The following NEXMIF variants were observed in gnomAD, a reference collection of about 807,000 sequenced individuals.
The protein encoded by NEXMIF is neurite extension and migration factor.
NEXMIF carries 8 observed loss-of-function variants against 62.1 expected under a neutral mutation model. That is an observed-to-expected ratio of 0.13 (90% CI 0.08 to 0.23). The LOEUF (loss-of-function observed/expected upper bound fraction) is 0.23. Among genes scored for constraint, NEXMIF ranks in the 10% least tolerant of loss-of-function variants. The pLI, the probability that NEXMIF is intolerant of heterozygous loss-of-function variation, is 1.00. For missense variants in NEXMIF, 976 were observed against 1,113.3 expected (o/e 0.88, Z 1.75); for synonymous variants, 404 against 416.6 (o/e 0.97, Z 0.37).
intron 1 of NEXMIF, among the ~76,000 whole-genome samples, chrX:74,866,183 C>T (rs1275225649): frequency 2.7e-5 from 3 of 111,781 alleles, no homozygotes; most frequent in Non-Finnish European, 5.6e-5. Context: ...TGCCCAAGGC[C>T]GTGGGATCCC....
intron 1 of NEXMIF, among the ~76,000 whole-genome samples, chrX:74,888,180 C>T (rs950165848): frequency 9.2e-6 from 1 of 108,552 alleles, no homozygotes; most frequent in Non-Finnish European, 1.9e-5. Context: ...AGGAGATATA[C>T]CTAATGCTAA....
intron 1 of NEXMIF, among the ~76,000 whole-genome samples, chrX:74,847,722 C>T (rs2080497122): frequency 8.9e-6 from 1 of 111,738 alleles, no homozygotes; most frequent in African/African-American, 3.3e-5. Context: ...AGGACATTTT[C>T]AAGTGGCAGC....
At chrX:74,872,844 A>G (rs1388926244) in intron 1 of NEXMIF, among the ~76,000 whole-genome samples, 1 of 110,374 alleles carries the variant, frequency 9.1e-6, no homozygotes, top group Admixed American at 9.7e-5. Flanking sequence ...ACAATTTTTT[A>G]AAAATATTAT....
intron 1 of NEXMIF, among the ~76,000 whole-genome samples, chrX:74,863,593 G>C (rs1026580887): frequency 8.9e-6 from 1 of 111,732 alleles, no homozygotes; most frequent in Admixed American, 9.5e-5. Flanking sequence ...TTGAATCCCT[G>C]AATAGACCAA....
rs772797121 is a variant in NEXMIF at position 74,741,163 on chromosome X, T to C, written c.3394A>G (p.Asn1132Asp). 1 of 1,209,152 alleles carries C rather than the reference T, an allele frequency of 8.3e-7. No individual in the cohort carries two copies. Among genetic ancestry groups the C allele is most frequent in the African/African-American group, 1.8e-5 (1 of 57,013 alleles). The change falls in exon 3 of 4, where the codon AAT becomes GAT. Residue 1132 changes from asparagine (N) to aspartate (D), a missense_variant. Coordinates refer to ENST00000055682, the MANE Select transcript of NEXMIF (RefSeq NM_001008537.3). ...QVQMEDGFTLNNHQFQFHMFN... is the reference protein window; with the variant it reads ...QVQMEDGFTLDNHQFQFHMFN... ...ATATGGAACTGAAACTGGTGATTAT[T>C]TAAAGTAAATCCATCCTCCATTTGG...
Position 74,741,942 on chromosome X carries a change from T to C in NEXMIF, c.2615A>G (p.Gln872Arg), listed in dbSNP as rs1320255312. 1 of 1,211,743 alleles carries C rather than the reference T, an allele frequency of 8.3e-7. No individual in the cohort carries two copies. The highest frequency in any genetic ancestry group is 1.8e-5 in the South Asian group (1 of 56,984). Residue 872 changes from glutamine to arginine, a missense_variant, in exon 3 of 4, where the codon CAG (glutamine) becomes CGG (arginine). Transcript: ENST00000055682. ...VLTSSSDSEL[Q>R]QSSHNFKMES... is the part of the protein sequence containing the mutation. ...CATTTTGAAGTTATGAGATGACTGC[T>C]GCAGCTCAGAGTCAGAGGATGAGGT...
intron 1 of NEXMIF, among the ~76,000 whole-genome samples, chrX:74,772,266 C>G (rs1164603831): frequency 8.9e-6 from 1 of 112,477 alleles, no homozygotes; most frequent in Non-Finnish European, 1.9e-5. Flanking sequence ...GCCATGCAGT[C>G]AAGCTCCTCC....
intron 1 of NEXMIF, among the ~76,000 whole-genome samples, chrX:74,806,044 T>G (rs929026946): frequency 1.8e-5 from 2 of 111,762 alleles, no homozygotes; most frequent in Non-Finnish European, 3.8e-5. Flanking sequence ...CAGTTCTATA[T>G]ATTTTTTGGA....
chrX:74,759,635 T>G lies in NEXMIF; in HGVS notation c.-47-13938A>C, dbSNP rs186754266. Among the ~76,000 whole-genome samples the G allele has an allele frequency of 4.4e-5, 5 of 112,399 alleles. No individual in the cohort carries two copies. The East Asian group carries it at 1.4e-3, about 32-fold the overall frequency. ...AGACAGTTATCCCAGCAACATTTAT[T>G]GAATAGGGAGTCCTTTACCCATTGC... On this transcript the variant is annotated intron_variant, in intron 1 of 3. Coordinates refer to ENST00000055682, the MANE Select transcript of NEXMIF (RefSeq NM_001008537.3).
In NEXMIF at chrX:74,786,667, T is replaced by C. The variant is rs370754581; in HGVS notation, c.-47-40970A>G. On this transcript the variant is annotated intron_variant, in intron 1 of 3. Transcript: ENST00000055682. ...CCACACACCTAGCCAAATGAGCACA[T>C]GACATTCCTAAACTAAGGACACTCT... Among the ~76,000 whole-genome samples the C allele has an allele frequency of 7.1e-5, 8 of 111,910 alleles. No individual in the cohort carries two copies. The East Asian group carries it at 1.7e-3, about 24-fold the overall frequency.
At chrX:74,907,074 C>G (rs2080771436) in intron 1 of NEXMIF, among the ~76,000 whole-genome samples, 2 of 111,865 alleles carry the variant, frequency 1.8e-5, no homozygotes, top group African/African-American at 6.5e-5. Flanking sequence ...CCAGGAGGCA[C>G]AGCCTCTCTT....
At chrX:74,776,877 A>G (rs1243680262) in intron 1 of NEXMIF, among the ~76,000 whole-genome samples, 1 of 111,450 alleles carries the variant, frequency 9.0e-6, no homozygotes, top group East Asian at 2.8e-4. Flanking sequence ...TCTCCAACAT[A>G]ACCTTAGCCC....
rs1197858344 is a variant in NEXMIF, at chrX:74,740,089, T to C, written c.4457+11A>G. The C allele has an allele frequency of 5.9e-6, 7 of 1,196,539 alleles. No homozygotes were observed. The highest frequency in any genetic ancestry group is 7.9e-6 in the Non-Finnish European group (7 of 884,815). ...GGGTGCATCATCTCAGCCATACTGGTGCAGTATTACCTCAGTTTTTCAAAA... is the reference window on the plus strand; with the variant it reads ...GGGTGCATCATCTCAGCCATACTGGCGCAGTATTACCTCAGTTTTTCAAAA... On this transcript the variant is annotated intron_variant, in intron 3 of 3. Coordinates refer to ENST00000055682, the MANE Select transcript of NEXMIF (RefSeq NM_001008537.3).
At chrX:74,796,209 T>TATACATATATAATA (rs1491129454) in intron 1 of NEXMIF, among the ~76,000 whole-genome samples, 2 of 46,615 alleles carry the variant, frequency 4.3e-5, no homozygotes, top group Non-Finnish European at 7.8e-5. Context: ...TACATATATA[T>TATACATATATAATA]TATATATATA....
chrX:74,789,442 C>A (rs943458693), intron 1 of NEXMIF, among the ~76,000 whole-genome samples: 1 of 109,445 alleles, frequency 9.1e-6, no homozygotes, highest in Non-Finnish European at 1.9e-5. Context: ...CATATGTGTG[C>A]ATGTGTCTTT....
chrX:74,905,878 CGTT>C (rs751838100), intron 1 of NEXMIF, among the ~76,000 whole-genome samples: 33 of 111,663 alleles, frequency 3.0e-4, no homozygotes, highest in Admixed American at 9.6e-5. Flanking sequence ...AAAAACAAAA[CGTT>C]GAACTATTTC....
chrX:74,796,219 ATAC>A lies in NEXMIF; in HGVS notation c.-47-50525_-47-50523del, dbSNP rs1424520099. On this transcript the variant is annotated intron_variant, in intron 1 of 3. Coordinates refer to ENST00000055682, the MANE Select transcript of NEXMIF (RefSeq NM_001008537.3). Reference sequence around the variant, plus strand: ...ATATATACATATATATTATATATATATACATATATAATATATATATATATACAC... The same window carrying A: ...ATATATACATATATATTATATATATAATATATAATATATATATATATACAC... Among the ~76,000 whole-genome samples the A allele has an allele frequency of 1.0e-3, 70 of 69,318 alleles. 1 individual carries two copies. The highest frequency in any genetic ancestry group is 4.0e-3 in the African/African-American group (65 of 16,344). 60.2% of individuals were successfully genotyped at this position (69,318 alleles called of 115,157 possible). A position where few individuals can be genotyped will look rare whatever the true frequency, so the allele number is the denominator to read the frequency against.
At chrX:74,775,761 G>A (rs1452618825) in intron 1 of NEXMIF, among the ~76,000 whole-genome samples, 1 of 110,963 alleles carries the variant, frequency 9.0e-6, no homozygotes, top group Non-Finnish European at 1.9e-5. Context: ...TAAAATCTGT[G>A]CAGTCACCCA....
Position 74,741,698 on chromosome X carries a change from C to A in NEXMIF, c.2859G>T (p.Met953Ile). Residue 953 changes from methionine (M) to isoleucine (I), a missense_variant, in exon 3 of 4, where the codon ATG becomes ATT. By Grantham distance (10) the Met-to-Ile change is conservative. Around this residue, in one of 5 missense-constraint regions of NEXMIF, gnomAD observed 639 missense variants for 694.5 expected, o/e 0.92. Transcript: ENST00000055682. ...SNCNKVLYDS[M>I]QDTQLPSDDS... ...CATCAGATGGGAGTTGGGTATCTTGCATGGAGTCATACAGGACCTTGTTGC... is the reference window on the plus strand; with the variant it reads ...CATCAGATGGGAGTTGGGTATCTTGAATGGAGTCATACAGGACCTTGTTGC... 1 of 1,211,552 alleles carries A rather than the reference C, an allele frequency of 8.3e-7. No homozygotes were observed. Among genetic ancestry groups the A allele is most frequent in the Non-Finnish European group, 1.1e-6 (1 of 895,322 alleles).
Sources: allele counts gnomAD v4.1 joint callset (sites outside exome capture counted in the v4.1 genomes callset), GRCh38; gene constraint gnomAD v4.1.1; regional missense constraint gnomAD v4.1.1; transcripts MANE v1.5; gene names NCBI Gene and HGNC (gene_info 2026-07-23, HGNC 2026-07-21).